Variants in CCDC7 observed in about 807,000 individuals in gnomAD.
The protein encoded by CCDC7 is coiled-coil domain-containing protein 7.
In CCDC7, 183 loss-of-function variants were observed where a neutral mutation model predicts 196.9. That is an observed-to-expected ratio of 0.93 (90% CI 0.82 to 1.05). The LOEUF (loss-of-function observed/expected upper bound fraction) is 1.05. Among genes scored for constraint, CCDC7 ranks in the 50% least tolerant of loss-of-function variants. The pLI is 0.00. For synonymous variants in CCDC7, 525 were observed against 484.6 expected (o/e 1.08, Z -1.10); for missense variants, 1,540 against 1,482.2 (o/e 1.04, Z -0.64).
Position 32,846,978 on chromosome 10 carries a change from G to A in CCDC7, c.3688+519G>A, listed in dbSNP as rs182375601. ...TTACTGGCTTTCATCTTGGTGTAAGGGTGTTATGTAGTTATACAATTTTCT... is the reference window on the plus strand; with the variant it reads ...TTACTGGCTTTCATCTTGGTGTAAGAGTGTTATGTAGTTATACAATTTTCT... On this transcript the variant is annotated intron_variant, in intron 37 of 41. Coordinates refer to ENST00000639629, the Ensembl canonical transcript of CCDC7. 3.1e-3 allele frequency among the ~76,000 whole-genome samples: 472 copies of A among 152,182 alleles called. 1 individual carries two copies. Among genetic ancestry groups the A allele is most frequent in the Non-Finnish European group, 4.1e-3 (278 of 68,004 alleles).
chr10:32,584,856 C>G (rs1437761829), intron 18 of CCDC7, among the ~76,000 whole-genome samples: 2 of 148,868 alleles, frequency 1.3e-5, no homozygotes, highest in Non-Finnish European at 3.0e-5. Context: ...ATAGCTTTAT[C>G]TCAAGCAAAT....
Position 32,640,026 on chromosome 10 carries a change from G to T in CCDC7, c.2014+4868G>T, listed in dbSNP as rs34910378. ...GAAGAATGTATATTCTGTTGATTTG[G>T]GGTGGAGAGTTCTGTAGATGTCTAT... is the stretch of plus-strand genomic sequence containing the variant. On this transcript the variant is annotated intron_variant, in intron 20 of 41. Coordinates refer to ENST00000639629, the Ensembl canonical transcript of CCDC7. Among the ~76,000 whole-genome samples, 218 of 152,220 alleles carry T rather than the reference G, an allele frequency of 1.4e-3. 2 individuals carry two copies. The highest frequency in any genetic ancestry group is 5.0e-3 in the African/African-American group (207 of 41,514).
intron 8 of CCDC7, among the ~76,000 whole-genome samples, chr10:32,474,835 G>A (rs2133982721): frequency 6.6e-6 from 1 of 152,280 alleles, no homozygotes; most frequent in Non-Finnish European, 1.5e-5. Flanking sequence ...TGAAATAATA[G>A]TGTAAAGCAC....
intron 6 of CCDC7, among the ~76,000 whole-genome samples, chr10:32,471,707 G>A (rs1282334717): frequency 6.6e-6 from 1 of 152,052 alleles, no homozygotes; most frequent in African/African-American, 2.4e-5. Flanking sequence ...CCATGTTTTT[G>A]CATTAGACAG....
At chr10:32,512,626 C>T (rs1388273444) in intron 9 of CCDC7, 6 of 152,120 alleles carry the variant, frequency 3.9e-5, no homozygotes, top group African/African-American at 7.2e-5. Flanking sequence ...GGAGGGAATT[C>T]AACTCCCAAA....
At chr10:32,680,499 T>C (rs1290303992) in intron 21 of CCDC7, among the ~76,000 whole-genome samples, 1 of 152,162 alleles carries the variant, frequency 6.6e-6, no homozygotes, top group Non-Finnish European at 1.5e-5. Flanking sequence ...GTTACATAGC[T>C]GTACATGTGC....
chr10:32,605,481 T>A (rs913754537), intron 18 of CCDC7, among the ~76,000 whole-genome samples: 8 of 152,174 alleles, frequency 5.3e-5, no homozygotes, highest in African/African-American at 1.9e-4. Context: ...TGGAACTTCG[T>A]AGAGACTGGT....
chr10:32,510,097 G>A (rs2045877087), intron 9 of CCDC7, among the ~76,000 whole-genome samples: 1 of 152,148 alleles, frequency 6.6e-6, no homozygotes, highest in South Asian at 2.1e-4. Flanking sequence ...TTTCATTGCA[G>A]TAGCCAAAAT....
chr10:32,460,893 T>A (rs2035486391), intron 3 of CCDC7, among the ~76,000 whole-genome samples: 1 of 152,148 alleles, frequency 6.6e-6, no homozygotes, highest in Non-Finnish European at 1.5e-5. Flanking sequence ...TGCTTGTAGG[T>A]GGTGCTGATG....
chr10:32,793,944 T>G (rs2083130595), intron 29 of CCDC7, among the ~76,000 whole-genome samples: 1 of 152,224 alleles, frequency 6.6e-6, no homozygotes, highest in Non-Finnish European at 1.5e-5. Context: ...GTATGTAGTT[T>G]AACTTCAAAG....
At chr10:32,608,368 T>G (rs1396072083) in intron 18 of CCDC7, among the ~76,000 whole-genome samples, 1 of 152,146 alleles carries the variant, frequency 6.6e-6, no homozygotes, top group Non-Finnish European at 1.5e-5. Context: ...TTCTGGTTCC[T>G]TGAGGTGTAG....
At chr10:32,615,036 C>G (rs926764063) in intron 18 of CCDC7, among the ~76,000 whole-genome samples, 3 of 152,162 alleles carry the variant, frequency 2.0e-5, no homozygotes, top group Middle Eastern at 3.2e-3. Flanking sequence ...CACCCACCCA[C>G]CACTACCTCC....
chr10:32,510,534 T>TTGA (rs2045947645), intron 9 of CCDC7, among the ~76,000 whole-genome samples: 2 of 152,178 alleles, frequency 1.3e-5, no homozygotes, highest in Non-Finnish European at 2.9e-5. Context: ...CTTTGTGGCC[T>TTGA]TGATGATGAT....
intron 11 of CCDC7, among the ~76,000 whole-genome samples, chr10:32,541,004 CCAAT>C (rs1241926809): frequency 6.6e-6 from 1 of 151,772 alleles, no homozygotes; most frequent in African/African-American, 2.4e-5. Context: ...CTTTCAGGAA[CCAAT>C]CAGTCATAGA....
At chr10:32,749,482 G>A (rs10827120) in intron 28 of CCDC7, among the ~76,000 whole-genome samples, 21,045 of 152,040 alleles carry the variant, frequency 0.14, 1,761 homozygotes, top group East Asian at 0.25. Context: ...TAATAACTAG[G>A]TATATCTATG....
At chr10:32,622,615 C>T (rs542038978) in intron 18 of CCDC7, among the ~76,000 whole-genome samples, 1 of 151,918 alleles carries the variant, frequency 6.6e-6, no homozygotes, top group Admixed American at 6.6e-5. Flanking sequence ...CATTTTGGCC[C>T]AGATTATTCC....
chr10:32,875,781 CT>C (rs2094580313), intron 41 of CCDC7, among the ~76,000 whole-genome samples: 1 of 151,950 alleles, frequency 6.6e-6, no homozygotes, highest in Non-Finnish European at 1.5e-5. Context: ...CTAAAATGGA[CT>C]TGCTGTTATT....
intron 41 of CCDC7, among the ~76,000 whole-genome samples, chr10:32,855,474 G>T (rs945219289): frequency 6.6e-6 from 1 of 152,138 alleles, no homozygotes; most frequent in African/African-American, 2.4e-5. Context: ...GTCCCATCTG[G>T]GGGTGATGGG....
At chr10:32,593,201 C>G (rs1382429471) in intron 18 of CCDC7, among the ~76,000 whole-genome samples, 1 of 152,198 alleles carries the variant, frequency 6.6e-6, no homozygotes, top group African/African-American at 2.4e-5. Flanking sequence ...CACATCCTCT[C>G]CAGCACCTGT....
Sources: gnomAD v4.1 joint callset for allele counts (sites outside exome capture counted in the v4.1 genomes callset) on GRCh38, gnomAD v4.1.1 for gene constraint, MANE v1.5 for transcripts, NCBI Gene and HGNC (gene_info 2026-07-23, HGNC 2026-07-21) for gene names.